CIITA: variants seen among roughly 807,000 people sequenced by gnomAD.
CIITA encodes the protein class II major histocompatibility complex transactivator.
Under a neutral mutation model 115.1 loss-of-function variants are expected in CIITA, and 72 were observed. The observed-to-expected ratio is 0.63, with a 90% confidence interval of 0.52 to 0.76. The LOEUF (loss-of-function observed/expected upper bound fraction) is 0.76, where lower values mean the gene tolerates loss of function less well. CIITA is among the 30% of genes least tolerant of loss of function. The pLI, the probability that CIITA is intolerant of heterozygous loss-of-function variation, is 0.00. For synonymous variants in CIITA, 763 were observed against 635.6 expected (o/e 1.20, Z -3.02); for missense variants, 1,617 against 1,463.8 (o/e 1.10, Z -1.71).
chr16:10,880,324 G>A (rs1433687884), intron 1 of CIITA, among the ~76,000 whole-genome samples: 1 of 152,148 alleles, frequency 6.6e-6, no homozygotes, highest in Non-Finnish European at 1.5e-5. Flanking sequence ...CTGAGATCCT[G>A]CAGGTTAAAC....
In CIITA at chr16:10,927,043, G is replaced by A. The variant is rs1457663021; in HGVS notation, c.*3188G>A. 6.6e-6 allele frequency: 1 copy of A among 152,264 alleles called. No homozygotes were observed. Among genetic ancestry groups the A allele is most frequent in the East Asian group, 1.9e-4 (1 of 5,206 alleles). The allele number at this position is 152,264 out of a possible 1,614,324, so 9.4% of individuals were successfully genotyped here. Reference sequence around the variant, plus strand: ...CCTCACCACTTACTTATGCAAGCTAGTTCTCTGTGCCTCAGTCTCCTCATT... The same window carrying A: ...CCTCACCACTTACTTATGCAAGCTAATTCTCTGTGCCTCAGTCTCCTCATT... On this transcript the variant is annotated 3_prime_UTR_variant, in exon 20 of 20. Transcript: ENST00000324288.
chr16:10,940,770 C>G (rs1245623835), downstream of CIITA: 2 of 152,338 alleles, frequency 1.3e-5, no homozygotes, highest in African/African-American at 4.8e-5. The surrounding 1 kb of genome is among the most constrained non-coding windows in gnomAD (Gnocchi z 4.2). Context: ...GCAAAGCTCC[C>G]TCGTCACAGC....
At chr16:10,910,350 T>C (rs1490913671) in intron 13 of CIITA, 91 bp downstream of exon 13, 24 of 1,092,360 alleles carry the variant, frequency 2.2e-5, no homozygotes, top group Non-Finnish European at 3.2e-5. Context: ...GAGATAGATC[T>C]CCAGAATCAT....
At chr16:10,937,163 C>G (rs925994420), downstream of CIITA, 4 of 152,318 alleles carry the variant, frequency 2.6e-5, no homozygotes, top group African/African-American at 9.6e-5. The surrounding 1 kb of genome is among the most constrained non-coding windows in gnomAD (Gnocchi z 4.2). Context: ...GGCCAAGGAC[C>G]TTCTGGGTGA....
intron 1 of CIITA, among the ~76,000 whole-genome samples, chr16:10,884,921 T>C (rs1030575437): frequency 6.6e-6 from 1 of 152,122 alleles, no homozygotes; most frequent in Non-Finnish European, 1.5e-5. Flanking sequence ...CAGGACATAA[T>C]TGAATCCTGC....
At chr16:10,895,230 C>A in intron 1 of CIITA, 52 bp from the exon 2 acceptor site, 1 of 1,608,508 alleles carries the variant, frequency 6.2e-7, no homozygotes. Context: ...TGTCAATTTT[C>A]TGCCTCTTTC....
At chr16:10,903,696 G>A in intron 8 of CIITA, 35 bp from the exon 9 acceptor site, 1 of 1,613,068 alleles carries the variant, frequency 6.2e-7, no homozygotes, top group Non-Finnish European at 8.5e-7. Context: ...ATCAATACCT[G>A]GTTATTCTCA....
chr16:10,927,252 C>T lies in CIITA; in HGVS notation c.*3397C>T, dbSNP rs181444431. 7.2e-4 allele frequency: 109 copies of T among 152,338 alleles called. No homozygotes were observed. The highest frequency in any genetic ancestry group is 2.2e-3 in the African/African-American group (92 of 41,564). 9.4% of individuals were successfully genotyped at this position (152,338 alleles called of 1,614,324 possible). A position where few individuals can be genotyped will look rare whatever the true frequency, so the allele number is the denominator to read the frequency against. On this transcript the variant is annotated 3_prime_UTR_variant, in exon 20 of 20. Coordinates refer to ENST00000324288, the MANE Select transcript of CIITA (RefSeq NM_000246.4). ...TCCATATGGCTGATTTCTCATCCTT[C>T]GGGACTTGCCCCATTCTCCAACCCC...
In CIITA at chr16:10,903,725, A is replaced by T; in HGVS notation, c.773-6A>T. 1.2e-6 allele frequency: 2 copies of T among 1,614,006 alleles called. No homozygotes were observed. Among genetic ancestry groups the T allele is most frequent in the Non-Finnish European group, 1.7e-6 (2 of 1,179,962 alleles). ...ATTCTCACACCACTCTCCACCCCCA[A>T]TGTAGGTGAGGTGCCCCAGGCCAGC... On this transcript the variant is annotated splice_region_variant and splice_polypyrimidine_tract_variant and intron_variant, in intron 8 of 19. Transcript: ENST00000324288.
rs1169599800 is a variant in CIITA at position 10,933,573 on chromosome 16, G to A, written c.*9718G>A. 1.3e-5 allele frequency: 2 copies of A among 152,272 alleles called. No homozygotes were observed. Among genetic ancestry groups the A allele is most frequent in the African/African-American group, 4.8e-5 (2 of 41,418 alleles). The allele number at this position is 152,272 out of a possible 1,614,324, so 9.4% of individuals were successfully genotyped here. A position where few individuals can be genotyped will look rare whatever the true frequency, so the allele number is the denominator to read the frequency against. On this transcript the variant is annotated 3_prime_UTR_variant, in exon 20 of 20. Transcript: ENST00000324288. The stretch of plus-strand genomic sequence containing the variant: ...AAAAGGGGACAGTGCCCACCACATT[G>A]GGCTGTTTGTGTCCATGGAGTGCCT...
At position 10,909,089 on chromosome 16, in the gene CIITA, G is replaced by C. The variant is rs1194031298; in HGVS notation, c.2718G>C (p.Lys906Asn). ...WESLQQHGET[K>N]LLQAAEEKFT... ...CCCTGCAGCAGCATGGGGAGACCAA[G>C]CTACTTCAGGCAGCAGAGGAGAAGT... The change falls in exon 12 of 20, where the codon AAG (lysine) becomes AAC (asparagine). Residue 906 changes from lysine to asparagine, a missense_variant. Physicochemically the swap from Lys to Asn is moderately conservative, Grantham distance 94. Transcript: ENST00000324288. 2 of 1,614,180 alleles carry C rather than the reference G, an allele frequency of 1.2e-6. No individual in the cohort carries two copies. The highest frequency in any genetic ancestry group is 8.5e-7 in the Non-Finnish European group (1 of 1,179,998).
At chr16:10,877,513 G>A (rs2035944411) in intron 1 of CIITA, 131 bp downstream of exon 1, 6 of 960,900 alleles carry the variant, frequency 6.2e-6, no homozygotes, top group Non-Finnish European at 9.9e-6. Flanking sequence ...TGTCCTGCTG[G>A]GGCAGGCCAT....
chr16:10,910,653 G>T (rs1483524942), intron 13 of CIITA, among the ~76,000 whole-genome samples: 1 of 152,212 alleles, frequency 6.6e-6, no homozygotes, highest in Non-Finnish European at 1.5e-5. Context: ...GCTGAGTGGG[G>T]AGAGGGGAGT....
rs911297842 is a variant in CIITA, at chr16:10,927,310, C to T, written c.*3455C>T. 4 of 152,248 alleles carry T rather than the reference C, an allele frequency of 2.6e-5. No individual in the cohort carries two copies. Among genetic ancestry groups the T allele is most frequent in the African/African-American group, 9.6e-5 (4 of 41,454 alleles). The allele number at this position is 152,248 out of a possible 1,614,324, so 9.4% of individuals were successfully genotyped here. A position where few individuals can be genotyped will look rare whatever the true frequency, so the allele number is the denominator to read the frequency against. On this transcript the variant is annotated 3_prime_UTR_variant, in exon 20 of 20. Coordinates refer to ENST00000324288, the MANE Select transcript of CIITA (RefSeq NM_000246.4). ...GTTTTATCTTTTTCACTTATTTATGCAGTCTGCTCTTGTCCTAGGACATGA... is the reference window on the plus strand; with the variant it reads ...GTTTTATCTTTTTCACTTATTTATGTAGTCTGCTCTTGTCCTAGGACATGA...
intron 12 of CIITA, among the ~76,000 whole-genome samples, chr16:10,909,799 T>C (rs867650321): frequency 6.6e-6 from 1 of 152,168 alleles, no homozygotes. Context: ...AGTAGTGCGA[T>C]CATAGCTTAC....
intron 3 of CIITA, among the ~76,000 whole-genome samples, chr16:10,896,614 TC>T (rs1367680279): frequency 6.6e-6 from 1 of 152,168 alleles, no homozygotes; most frequent in Non-Finnish European, 1.5e-5. Context: ...GTGGCCTTTT[TC>T]TGGAGGATGC....
chr16:10,890,078 T>G (rs892272292), intron 1 of CIITA, among the ~76,000 whole-genome samples: 3 of 152,140 alleles, frequency 2.0e-5, no homozygotes, highest in African/African-American at 7.2e-5. Flanking sequence ...GAGGAAGTGC[T>G]TAAGGTGCAG....
At chr16:10,921,032 C>T (rs1050274641) in intron 16 of CIITA, among the ~76,000 whole-genome samples, 9 of 152,164 alleles carry the variant, frequency 5.9e-5, no homozygotes, top group African/African-American at 1.9e-4. Flanking sequence ...TCACACCCGG[C>T]TAATTTTGTA....
chr16:10,921,350 A>G (rs1393238953), intron 16 of CIITA, among the ~76,000 whole-genome samples: 1 of 152,208 alleles, frequency 6.6e-6, no homozygotes, highest in Non-Finnish European at 1.5e-5. Context: ...GGTTGTGAAT[A>G]TGCTGCAGAA....
Sources: gnomAD v4.1 joint callset for allele counts (sites outside exome capture counted in the v4.1 genomes callset) on GRCh38, gnomAD v4.1.1 for gene constraint, Gnocchi (gnomAD v3.1) non-coding constraint, MANE v1.5 for transcripts, NCBI Gene and HGNC (gene_info 2026-07-23, HGNC 2026-07-21) for gene names.